Variants in NARS2 observed in about 807,000 individuals in gnomAD.
The protein encoded by NARS2 is asparaginyl-tRNA synthetase.
Under a neutral mutation model 62.9 loss-of-function variants are expected in NARS2, and 60 were observed. The ratio of observed to expected loss-of-function variants is 0.95; its 90% confidence interval spans 0.77 to 1.18. The LOEUF is 1.18. NARS2 is among the 50% of genes most tolerant of loss of function. The pLI is 0.00. For missense variants in NARS2, 619 were observed against 576.4 expected (o/e 1.07, Z -0.76); for synonymous variants, 196 against 200.0 (o/e 0.98, Z 0.17).
intron 5 of NARS2, among the ~76,000 whole-genome samples, 160 bp from the exon 6 acceptor site, chr11:78,529,096 C>T (rs552012803): frequency 3.9e-5 from 6 of 152,286 alleles, no homozygotes; most frequent in South Asian, 2.1e-4. Flanking sequence ...TAAGACAAAA[C>T]GCCAGCTTGG....
chr11:78,454,894 A>T (rs141731003), intron 11 of NARS2, among the ~76,000 whole-genome samples: 2,907 of 152,216 alleles, frequency 0.019, 83 homozygotes, highest in African/African-American at 0.059. Context: ...TGGGATCACA[A>T]GCATGAGCCA....
chr11:78,531,670 C>T (rs1039725949), intron 5 of NARS2, among the ~76,000 whole-genome samples: 1 of 152,228 alleles, frequency 6.6e-6, no homozygotes, highest in Admixed American at 6.5e-5. Context: ...GAATATCATT[C>T]AGCCATAAGG....
chr11:78,550,276 CA>C (rs1284228908), intron 5 of NARS2, among the ~76,000 whole-genome samples: 8 of 152,130 alleles, frequency 5.3e-5, no homozygotes, highest in Non-Finnish European at 1.2e-4. Context: ...TAATGTTAAC[CA>C]ATCAGTTACT....
chr11:78,483,755 G>GA (rs888406821), intron 7 of NARS2, among the ~76,000 whole-genome samples: 7 of 151,014 alleles, frequency 4.6e-5, no homozygotes, highest in Admixed American at 2.6e-4. Flanking sequence ...CAAACAAATG[G>GA]AAAAAAAAAT....
intron 5 of NARS2, among the ~76,000 whole-genome samples, chr11:78,547,814 G>A (rs1407779192): frequency 2.6e-5 from 4 of 152,184 alleles, no homozygotes; most frequent in African/African-American, 4.8e-5. Context: ...AAGTATTTAA[G>A]TGTTCCAGGT....
At chr11:78,481,216 A>G (rs1859340666) in intron 7 of NARS2, among the ~76,000 whole-genome samples, 1 of 152,208 alleles carries the variant, frequency 6.6e-6, no homozygotes, top group Admixed American at 6.5e-5. Flanking sequence ...AAGAAAGGAA[A>G]ATAAAGAAAA....
intron 1 of NARS2, among the ~76,000 whole-genome samples, chr11:78,572,019 C>T (rs1375164751): frequency 1.3e-5 from 2 of 151,706 alleles, no homozygotes; most frequent in Admixed American, 6.6e-5. Context: ...CTGTCTCTAC[C>T]GAAAATACAA....
At chr11:78,469,338 G>C (rs981811147) in intron 9 of NARS2, 25 bp from the exon 10 acceptor site, 1 of 1,585,004 alleles carries the variant, frequency 6.3e-7, no homozygotes, top group African/African-American at 1.3e-5. Context: ...GATACAAGCA[G>C]AGAAAAGTCA....
chr11:78,508,874 G>T (rs964413561), intron 6 of NARS2, among the ~76,000 whole-genome samples: 3 of 152,076 alleles, frequency 2.0e-5, no homozygotes, highest in Admixed American at 6.5e-5. Flanking sequence ...CAGCACTTTG[G>T]GAGGCTGAGG....
In NARS2 at chr11:78,443,686, G is replaced by C. The variant is rs770595074; in HGVS notation, c.1237C>G (p.His413Asp). The C allele has an allele frequency of 6.2e-6, 10 of 1,612,862 alleles. No homozygotes were observed. The highest frequency in any genetic ancestry group is 8.5e-6 in the Non-Finnish European group (10 of 1,179,180). The part of the protein sequence containing the change: ...FGGGLREERY[H>D]FLEERLARSG... ...CTGGCTAAGCGCTCCTCTAAGAAAT[G>C]GTATCGTTCTTCTCTGAGGCCTCCT... is the stretch of plus-strand genomic sequence containing the variant. Residue 413 changes from histidine to aspartate, a missense_variant, in exon 12 of 14, where the codon CAT (histidine) becomes GAT (aspartate). Coordinates refer to ENST00000281038, the MANE Select transcript of NARS2 (RefSeq NM_024678.6).
At chr11:78,560,292 G>C (rs1856513288) in intron 4 of NARS2, among the ~76,000 whole-genome samples, 1 of 152,178 alleles carries the variant, frequency 6.6e-6, no homozygotes, top group African/African-American at 2.4e-5. Flanking sequence ...CTGAGCAGCA[G>C]CAAATCCATC....
At chr11:78,573,201 T>C (rs938496689) in intron 1 of NARS2, 2 of 152,198 alleles carry the variant, frequency 1.3e-5, no homozygotes, top group African/African-American at 4.8e-5. Context: ...ACTGTGTCAG[T>C]ACAATCATGG....
chr11:78,547,605 C>G (rs11237540), intron 5 of NARS2, among the ~76,000 whole-genome samples: 2,548 of 147,276 alleles, frequency 0.017, 69 homozygotes, highest in African/African-American at 0.06. Flanking sequence ...TGGGAGGCCA[C>G]GGCAGGCGGA....
intron 6 of NARS2, among the ~76,000 whole-genome samples, chr11:78,507,381 G>C (rs907201518): frequency 1.3e-5 from 2 of 151,982 alleles, no homozygotes; most frequent in African/African-American, 4.8e-5. Context: ...CTGAAGCCTG[G>C]CATAGAGACA....
At chr11:78,486,179 A>G (rs555617368) in intron 7 of NARS2, among the ~76,000 whole-genome samples, 2 of 151,382 alleles carry the variant, frequency 1.3e-5, no homozygotes, top group African/African-American at 4.9e-5. Context: ...CCAGCCTATT[A>G]TTTTTTTTTA....
intron 7 of NARS2, among the ~76,000 whole-genome samples, chr11:78,486,413 G>A (rs1400179701): frequency 1.3e-5 from 2 of 152,138 alleles, no homozygotes; most frequent in African/African-American, 4.8e-5. Flanking sequence ...ATGTATATGT[G>A]AAACAGACCC....
intron 5 of NARS2, among the ~76,000 whole-genome samples, chr11:78,533,855 A>G (rs1861569724): frequency 6.6e-6 from 1 of 152,110 alleles, no homozygotes; most frequent in Non-Finnish European, 1.5e-5. Context: ...TACTTTCTCC[A>G]TAGTTTTGTC....
At chr11:78,547,022 C>T (rs767674644) in intron 5 of NARS2, among the ~76,000 whole-genome samples, 83 of 152,304 alleles carry the variant, frequency 5.4e-4, no homozygotes, top group African/African-American at 1.8e-3. Flanking sequence ...TCAGCTTTAT[C>T]TTCTGGATAA....
chr11:78,469,995 A>C (rs1196441854), intron 9 of NARS2, among the ~76,000 whole-genome samples: 1 of 152,188 alleles, frequency 6.6e-6, no homozygotes, highest in Non-Finnish European at 1.5e-5. Flanking sequence ...TATTCCAGGC[A>C]AAAGGAACAG....
Sources: gnomAD v4.1 joint callset for allele counts (sites outside exome capture counted in the v4.1 genomes callset) on GRCh38, gnomAD v4.1.1 for gene constraint, MANE v1.5 for transcripts, NCBI Gene and HGNC (gene_info 2026-07-23, HGNC 2026-07-21) for gene names.